FBXO46: variants seen among roughly 807,000 people sequenced by gnomAD.
FBXO46 encodes the protein F-box protein 46.
FBXO46 carries 13 observed loss-of-function variants against 30.7 expected under a neutral mutation model. That is an observed-to-expected ratio of 0.42 (90% CI 0.28 to 0.67). FBXO46 has a LOEUF of 0.67. FBXO46 is among the 30% of genes least tolerant of loss of function. The pLI, the probability that FBXO46 is intolerant of heterozygous loss-of-function variation, is 0.21. For missense variants in FBXO46, 754 were observed against 871.5 expected (o/e 0.87, Z 1.70); for synonymous variants, 467 against 385.8 (o/e 1.21, Z -2.47).
In FBXO46 at chr19:45,712,072, A is replaced by C. The variant is rs1967982223; in HGVS notation, c.1424T>G (p.Leu475Arg). Residue 475 changes from leucine to arginine, a missense_variant, in exon 2 of 2, where the codon CTG (leucine) becomes CGG (arginine). By Grantham distance (102) the Leu-to-Arg change is moderately radical. Around this residue, in one of 5 missense-constraint regions of FBXO46, gnomAD observed 162 missense variants for 258.7 expected, o/e 0.63. Transcript: ENST00000317683. The surrounding 1 kb of genome is among the most constrained non-coding windows in gnomAD (Gnocchi z 8.8). ...CTTGACCAGCACGTGCTCGGGCAGCAGCAGCATGTACTGTCGCGGCTCCAG... is the reference window on the plus strand; with the variant it reads ...CTTGACCAGCACGTGCTCGGGCAGCCGCAGCATGTACTGTCGCGGCTCCAG... ...RLLEPRQYMLLLPEHVLVKIF... is the reference protein window; with the variant it reads ...RLLEPRQYMLRLPEHVLVKIF... 2.5e-6 allele frequency: 4 copies of C among 1,609,768 alleles called. No individual in the cohort carries two copies. The highest frequency in any genetic ancestry group is 3.4e-6 in the Non-Finnish European group (4 of 1,178,626).
chr19:45,712,707 G>A lies in FBXO46; in HGVS notation c.789C>T (p.Phe263=). The A allele has an allele frequency of 3.1e-6, 5 of 1,612,718 alleles. No homozygotes were observed. In the South Asian group the frequency reaches 3.3e-5, roughly 11 times the overall value. The change falls in exon 2 of 2, where the codon TTC becomes TTT. Residue 263 remains phenylalanine (F), a synonymous_variant. Transcript: ENST00000317683. This position sits in a 1 kb window ranked among gnomAD's most constrained non-coding sequence, Gnocchi z 8.8. ...GPGPGEVRIA[F]RISNGREPRA... is the part of the protein sequence containing the mutation. The stretch of plus-strand genomic sequence containing the variant: ...GGGGCTCCCGGCCGTTGGAGATGCG[G>A]AAGGCGATGCGCACCTCCCCAGGGC...
chr19:45,721,787 C>G (rs1968176284), intron 1 of FBXO46, among the ~76,000 whole-genome samples: 1 of 150,854 alleles, frequency 6.6e-6, no homozygotes, highest in Non-Finnish European at 1.5e-5. Context: ...ACCTCGTGAT[C>G]CACCCAAAGT....
intron 1 of FBXO46, among the ~76,000 whole-genome samples, chr19:45,722,926 C>T (rs889418420): frequency 6.6e-5 from 10 of 151,988 alleles, no homozygotes; most frequent in African/African-American, 7.2e-5. Context: ...TAGTGACAGG[C>T]GCCTATAATC....
chr19:45,729,890 T>G (rs1368754480), intron 1 of FBXO46, among the ~76,000 whole-genome samples: 1 of 152,206 alleles, frequency 6.6e-6, no homozygotes, highest in Non-Finnish European at 1.5e-5. Context: ...CCTCTGGGAC[T>G]GGACTGGAAA....
At position 45,713,530 on chromosome 19, in the gene FBXO46, C is replaced by CGCA; in HGVS notation, c.-38_-36dup. The CGCA allele has an allele frequency of 2.0e-6, 3 of 1,506,046 alleles. No homozygotes were observed. In the South Asian group the frequency reaches 3.9e-5, roughly 20 times the overall value. 93.3% of individuals were successfully genotyped at this position (1,506,046 alleles called of 1,614,324 possible). On this transcript the variant is annotated 5_prime_UTR_variant, in exon 2 of 2. Transcript: ENST00000317683. This position sits in a 1 kb window ranked among gnomAD's most constrained non-coding sequence, Gnocchi z 4.7. ...TGATGGCAGACAGGCTGGGCTTCAG[C>CGCA]GCATCTCAGGACCTAGGTGGTGGTG... is the stretch of plus-strand genomic sequence containing the variant.
Position 45,713,546 on chromosome 19 carries a change from G to A in FBXO46, c.-51C>T. On this transcript the variant is annotated 5_prime_UTR_variant, in exon 2 of 2. Transcript: ENST00000317683. The surrounding 1 kb of genome is among the most constrained non-coding windows in gnomAD (Gnocchi z 4.7). The stretch of plus-strand genomic sequence containing the variant: ...GGGCTTCAGCGCATCTCAGGACCTA[G>A]GTGGTGGTGGGAGGCTCCACATGCC... 6.9e-7 allele frequency: 1 copy of A among 1,446,220 alleles called. No individual in the cohort carries two copies. The highest frequency in any genetic ancestry group is 9.3e-7 in the Non-Finnish European group (1 of 1,077,216). The allele number at this position is 1,446,220 out of a possible 1,614,324, so 89.6% of individuals were successfully genotyped here. A position where few individuals can be genotyped will look rare whatever the true frequency, so the allele number is the denominator to read the frequency against.
At chr19:45,725,983 C>T (rs1439995222) in intron 1 of FBXO46, among the ~76,000 whole-genome samples, 1 of 152,104 alleles carries the variant, frequency 6.6e-6, no homozygotes, top group African/African-American at 2.4e-5. Context: ...GTGATCCTCC[C>T]GCCTCAACCT....
upstream of FBXO46, among the ~76,000 whole-genome samples, chr19:45,732,751 C>T (rs1005322132): frequency 2.0e-5 from 3 of 151,574 alleles, no homozygotes; most frequent in Non-Finnish European, 2.9e-5. Flanking sequence ...CCACCATGCC[C>T]GGCTAATTTT....
upstream of FBXO46, among the ~76,000 whole-genome samples, chr19:45,732,304 G>C (rs949109878): frequency 1.3e-5 from 2 of 151,960 alleles, no homozygotes; most frequent in African/African-American, 4.8e-5. Context: ...AAGGCAGAAA[G>C]AGATTAAGCC....
chr19:45,715,546 C>A (rs532555175), intron 1 of FBXO46: 30 of 152,346 alleles, frequency 2.0e-4, no homozygotes, highest in African/African-American at 7.2e-4. Flanking sequence ...GTGGCTCACA[C>A]CTGTAATCCC....
chr19:45,724,957 A>C (rs1968218271), intron 1 of FBXO46, among the ~76,000 whole-genome samples: 1 of 152,048 alleles, frequency 6.6e-6, no homozygotes, highest in African/African-American at 2.4e-5. Context: ...CCCCATCAAC[A>C]ACAAAATTTT....
chr19:45,711,320 TG>T lies in FBXO46; in HGVS notation c.*363del, dbSNP rs1179539029. ...GTGAGGGAGAGGATGGGGGCCAGAA[TG>T]GGGGGACCCTTAAGTGGTACCAAAA... On this transcript the variant is annotated 3_prime_UTR_variant, in exon 2 of 2. Coordinates refer to ENST00000317683, the MANE Select transcript of FBXO46 (RefSeq NM_001080469.2). 5 of 459,568 alleles carry T rather than the reference TG, an allele frequency of 1.1e-5. No individual in the cohort carries two copies. In the Admixed American group the frequency reaches 1.5e-4, roughly 14 times the overall value. The allele number at this position is 459,568 out of a possible 1,614,324, so 28.5% of individuals were successfully genotyped here.
In FBXO46 at chr19:45,712,456, G is replaced by A. The variant is rs1290590568; in HGVS notation, c.1040C>T (p.Thr347Ile). 6.2e-7 allele frequency: 1 copy of A among 1,611,184 alleles called. No homozygotes were observed. Among genetic ancestry groups the A allele is most frequent in the African/African-American group, 1.3e-5 (1 of 74,916 alleles). ...AGGGGGCGGAGGGGGCGCCGGGGGA[G>A]TGTCCTCAGGCCTGGCGGGTGCCGG... ...DSPAPARPED[T>I]PPAPPPPPAR... The change falls in exon 2 of 2, where the codon ACT becomes ATT. Residue 347 changes from threonine (T) to isoleucine (I), a missense_variant. Physicochemically the swap from Thr to Ile is moderately conservative, Grantham distance 89. Transcript: ENST00000317683. The surrounding 1 kb of genome is among the most constrained non-coding windows in gnomAD (Gnocchi z 8.8).
intron 1 of FBXO46, among the ~76,000 whole-genome samples, chr19:45,729,200 C>T (rs1968277532): frequency 1.3e-5 from 2 of 152,136 alleles, no homozygotes; most frequent in Admixed American, 1.3e-4. Flanking sequence ...GAGGCCGAGG[C>T]GGGTGGATCA....
chr19:45,730,280 G>C (rs1253020707), intron 1 of FBXO46, among the ~76,000 whole-genome samples: 1 of 152,012 alleles, frequency 6.6e-6, no homozygotes, highest in South Asian at 2.1e-4. Context: ...GGAGTCTCTG[G>C]CGGGACTAGG....
At chr19:45,718,942 T>TA (rs397954439) in intron 1 of FBXO46, among the ~76,000 whole-genome samples, 1,233 of 119,378 alleles carry the variant, frequency 0.01, 8 homozygotes, top group East Asian at 0.062. Flanking sequence ...CATTACCCCT[T>TA]AAAAAAAAAA....
chr19:45,730,093 A>T (rs1968289352), intron 1 of FBXO46, among the ~76,000 whole-genome samples: 1 of 152,140 alleles, frequency 6.6e-6, no homozygotes, highest in Admixed American at 6.6e-5. Context: ...TGAGGCTCAC[A>T]GATTTGTCCA....
Position 45,713,029 on chromosome 19 carries a change from G to A in FBXO46, c.467C>T (p.Ala156Val), listed in dbSNP as rs767670697. Reference sequence around the variant, plus strand: ...ACCGGCTGAGGCGGGGCCCTCCTCAGCAGCAGGGGGGCCCTCCCGGCCCCC... The same window carrying A: ...ACCGGCTGAGGCGGGGCCCTCCTCAACAGCAGGGGGGCCCTCCCGGCCCCC... ...DPGGREGPPA[A>V]EEGPASAGED... Residue 156 changes from alanine (A) to valine (V), a missense_variant, in exon 2 of 2, where the codon GCT becomes GTT. By Grantham distance (64) the Ala-to-Val change is moderately conservative. Transcript: ENST00000317683. The surrounding 1 kb of genome is among the most constrained non-coding windows in gnomAD (Gnocchi z 4.7). The A allele has an allele frequency of 4.5e-6, 7 of 1,557,302 alleles. No individual in the cohort carries two copies. The highest frequency in any genetic ancestry group is 6.1e-6 in the Non-Finnish European group (7 of 1,153,286).
rs753683498 is a variant in FBXO46, at chr19:45,713,841, G to C, written c.-78-268C>G. On this transcript the variant is annotated intron_variant, in intron 1 of 1. Coordinates refer to ENST00000317683, the MANE Select transcript of FBXO46 (RefSeq NM_001080469.2). This position sits in a 1 kb window ranked among gnomAD's most constrained non-coding sequence, Gnocchi z 4.7. The stretch of plus-strand genomic sequence containing the variant: ...AAATGTGCTGGGCGTGATAGTCCAC[G>C]CCTGTAATCCAAGCTACTTGGGAGG... Among the ~76,000 whole-genome samples the C allele has an allele frequency of 1.5e-4, 23 of 151,924 alleles. No individual in the cohort carries two copies. Among genetic ancestry groups the C allele is most frequent in the Non-Finnish European group, 1.2e-4 (8 of 67,952 alleles).
Sources: gnomAD v4.1 joint callset for allele counts (sites outside exome capture counted in the v4.1 genomes callset) on GRCh38, gnomAD v4.1.1 for gene constraint, gnomAD v4.1.1 regional missense constraint, Gnocchi (gnomAD v3.1) non-coding constraint, MANE v1.5 for transcripts, NCBI Gene and HGNC (gene_info 2026-07-23, HGNC 2026-07-21) for gene names.